The following SLC22A25 variants were observed in gnomAD, a reference collection of about 807,000 sequenced individuals.
The protein encoded by SLC22A25 is MGI:2442751, MGI:2385316, MGI:3042283, MGI:3645714, MGI:3605624, MGI:2442750.
SLC22A25 carries 44 observed loss-of-function variants against 45.9 expected under a neutral mutation model. The ratio of observed to expected loss-of-function variants is 0.96; its 90% confidence interval spans 0.75 to 1.23. The LOEUF is 1.23. Ranked by LOEUF, SLC22A25 falls within the 50% of genes most tolerant of loss-of-function variation. The pLI, the probability that SLC22A25 is intolerant of heterozygous loss-of-function variation, is 0.00. For missense variants in SLC22A25, 800 were observed against 666.4 expected, an observed-to-expected ratio of 1.20 and a Z score of -2.21; for synonymous variants, 283 against 238.6, an observed-to-expected ratio of 1.19 and a Z score of -1.72.
rs531649253 is a variant in SLC22A25, at chr11:63,205,504, C to A, written c.830+11810G>T. ...CTGATCCCATAGAAATACAAACTGC[C>A]ATCACAGAATATTATAAACAACCCT... is the stretch of plus-strand genomic sequence containing the variant. On this transcript the variant is annotated intron_variant, in intron 7 of 11. Coordinates refer to ENST00000306494, the MANE Select transcript of SLC22A25 (RefSeq NM_199352.6). Among the ~76,000 whole-genome samples, 570 of 152,208 alleles carry A rather than the reference C, an allele frequency of 3.7e-3. 5 individuals carry two copies. Among genetic ancestry groups the A allele is most frequent in the African/African-American group, 0.013 (538 of 41,526 alleles).
At chr11:63,226,819 A>G (rs536662037) in intron 5 of SLC22A25, among the ~76,000 whole-genome samples, 14 of 152,304 alleles carry the variant, frequency 9.2e-5, no homozygotes, top group African/African-American at 3.4e-4. Flanking sequence ...TCTACCCATC[A>G]TTCTATTCTA....
At chr11:63,239,693 G>C (rs1203802611) in intron 1 of SLC22A25, among the ~76,000 whole-genome samples, 2 of 152,198 alleles carry the variant, frequency 1.3e-5, no homozygotes, top group African/African-American at 4.8e-5. Context: ...AATCACAGCA[G>C]AAACTCATTT....
chr11:63,217,395 C>T lies in SLC22A25; in HGVS notation c.749G>A (p.Ser250Asn). The T allele has an allele frequency of 6.2e-7, 1 of 1,613,986 alleles. No homozygotes were observed. Among genetic ancestry groups the T allele is most frequent in the Non-Finnish European group, 8.5e-7 (1 of 1,179,992 alleles). ...AASIGHITLG[S>N]LAFVIRDQCI... Reference sequence around the variant, plus strand: ...CTGGTCTCGAATGACAAAAGCCAGGCTTCCCAGGGTTATATGTCCAATACT... The same window carrying T: ...CTGGTCTCGAATGACAAAAGCCAGGTTTCCCAGGGTTATATGTCCAATACT... The change falls in exon 7 of 12, where the codon AGC becomes AAC. Residue 250 changes from serine to asparagine, a missense_variant. By Grantham distance (46) the Ser-to-Asn change is conservative. Coordinates refer to ENST00000306494, the MANE Select transcript of SLC22A25 (RefSeq NM_199352.6).
chr11:63,224,186 C>T (rs1225433953), intron 5 of SLC22A25, among the ~76,000 whole-genome samples: 4 of 151,906 alleles, frequency 2.6e-5, no homozygotes, highest in Admixed American at 1.3e-4. Flanking sequence ...GCTGAATTGA[C>T]CCCTTTATCA....
chr11:63,218,695 T>C (rs2089781400), intron 5 of SLC22A25, among the ~76,000 whole-genome samples: 1 of 152,042 alleles, frequency 6.6e-6, no homozygotes, highest in Admixed American at 6.6e-5. Flanking sequence ...GGAACATCCA[T>C]GAAACAATAC....
chr11:63,185,350 A>G (rs1476672532), intron 7 of SLC22A25, among the ~76,000 whole-genome samples: 18 of 147,370 alleles, frequency 1.2e-4, no homozygotes, highest in East Asian at 1.0e-3. Context: ...ATGTGTTCTC[A>G]TTGTTCAATT....
intron 5 of SLC22A25, among the ~76,000 whole-genome samples, chr11:63,219,440 AACAAAATG>A (rs1258319297): frequency 6.6e-6 from 1 of 152,178 alleles, no homozygotes; most frequent in Non-Finnish European, 1.5e-5. Flanking sequence ...TCTTGTGGCA[AACAAAATG>A]ATTTTGGTAT....
chr11:63,174,376 A>G (rs572255994), intron 9 of SLC22A25, among the ~76,000 whole-genome samples: 15 of 152,322 alleles, frequency 9.8e-5, no homozygotes, highest in East Asian at 1.9e-4. Flanking sequence ...TCAGGCAGGC[A>G]TAAATTGCAC....
At chr11:63,234,499 C>T (rs778224824) in intron 3 of SLC22A25, among the ~76,000 whole-genome samples, 4 of 152,132 alleles carry the variant, frequency 2.6e-5, no homozygotes, top group Non-Finnish European at 5.9e-5. Context: ...GGTAGATCTT[C>T]GTCCATCCCT....
chr11:63,239,813 G>A (rs1294433226), intron 1 of SLC22A25, among the ~76,000 whole-genome samples: 1 of 152,182 alleles, frequency 6.6e-6, no homozygotes, highest in Non-Finnish European at 1.5e-5. Flanking sequence ...CTGCATTTGT[G>A]AGAAACTTTT....
chr11:63,178,568 T>C (rs1401013860), intron 9 of SLC22A25, among the ~76,000 whole-genome samples: 1 of 152,090 alleles, frequency 6.6e-6, no homozygotes, highest in Non-Finnish European at 1.5e-5. Flanking sequence ...TGATTAACTG[T>C]ATTGAGCATT....
At position 63,229,523 on chromosome 11, in the gene SLC22A25, T is replaced by C. The variant is rs779743075; in HGVS notation, c.130A>G (p.Ile44Val). The change falls in exon 4 of 12, where the codon ATA (isoleucine) becomes GTA (valine). Residue 44 changes from isoleucine to valine, a missense_variant. Ile to Val is a conservative substitution (Grantham distance 29, BLOSUM62 3). Coordinates refer to ENST00000306494, the MANE Select transcript of SLC22A25 (RefSeq NM_199352.6). ...TGAACCCAGCAGCGATGATCAAGTATGAATGCTGCGAAGTTCTCCAGCTGA... is the reference window on the plus strand; with the variant it reads ...TGAACCCAGCAGCGATGATCAAGTACGAATGCTGCGAAGTTCTCCAGCTGA... The part of the protein sequence containing the change: ...QTQLENFAAF[I>V]LDHRCWVHIL... 4 of 1,614,144 alleles carry C rather than the reference T, an allele frequency of 2.5e-6. No individual in the cohort carries two copies. In the South Asian group the frequency reaches 3.3e-5, roughly 13 times the overall value.
chr11:63,164,393 TTTG>T, intron 11 of SLC22A25, 130 bp downstream of exon 11: 1 of 829,174 alleles, frequency 1.2e-6, no homozygotes, highest in Non-Finnish European at 1.9e-6. Flanking sequence ...TGGGCTGTAA[TTTG>T]TTGTTTTTAT....
In SLC22A25 at chr11:63,159,513, C is replaced by G. The variant is rs1432455930; in HGVS notation, c.*4311G>C. Among the ~76,000 whole-genome samples, 1 of 152,154 alleles carries G rather than the reference C, an allele frequency of 6.6e-6. No homozygotes were observed. Among genetic ancestry groups the G allele is most frequent in the African/African-American group, 2.4e-5 (1 of 41,432 alleles). On this transcript the variant is annotated 3_prime_UTR_variant, in exon 12 of 12. Coordinates refer to ENST00000306494, the MANE Select transcript of SLC22A25 (RefSeq NM_199352.6). The stretch of plus-strand genomic sequence containing the variant: ...TGTAAGTTGTGCCTTTCACCTTCTG[C>G]CGTGATTGTGAGGCTTCCCCAGCCA...
At chr11:63,241,606 G>A (rs1432728933) in intron 1 of SLC22A25, among the ~76,000 whole-genome samples, 2 of 152,104 alleles carry the variant, frequency 1.3e-5, no homozygotes, top group Non-Finnish European at 2.9e-5. Context: ...ATAATCAGTT[G>A]TATTACTTGA....
intron 7 of SLC22A25, among the ~76,000 whole-genome samples, chr11:63,189,907 C>G (rs1305182174): frequency 3.3e-5 from 5 of 152,340 alleles, no homozygotes; most frequent in South Asian, 2.1e-4. Flanking sequence ...TTTCTGCCGA[C>G]AGATCAGCTG....
chr11:63,186,684 C>G (rs564869659), intron 7 of SLC22A25, among the ~76,000 whole-genome samples: 57 of 152,258 alleles, frequency 3.7e-4, no homozygotes, highest in African/African-American at 9.9e-4. Context: ...TTAGGTCTAA[C>G]ATTTAAGTCT....
intron 7 of SLC22A25, among the ~76,000 whole-genome samples, chr11:63,191,741 T>C (rs1363798418): frequency 1.3e-5 from 2 of 151,802 alleles, no homozygotes; most frequent in Admixed American, 1.3e-4. Flanking sequence ...GAAGAAATAA[T>C]CTCAGAGCTT....
intron 9 of SLC22A25, among the ~76,000 whole-genome samples, chr11:63,168,903 A>G (rs1233894788): frequency 6.6e-6 from 1 of 152,134 alleles, no homozygotes; most frequent in Non-Finnish European, 1.5e-5. Flanking sequence ...AAAAAATGTT[A>G]AGGGCAGCCA....
Sources: allele counts gnomAD v4.1 joint callset (sites outside exome capture counted in the v4.1 genomes callset), GRCh38; gene constraint gnomAD v4.1.1; transcripts MANE v1.5; gene names NCBI Gene and HGNC (gene_info 2026-07-23, HGNC 2026-07-21).